Variants in IP6K3 observed in about 807,000 individuals in gnomAD.
IP6K3 encodes inositol hexakisphosphate kinase 3.
Under a neutral mutation model 28.8 loss-of-function variants are expected in IP6K3, and 20 were observed. The observed-to-expected ratio is 0.70, with a 90% CI of 0.49 to 1.01. The LOEUF is 1.01. Among genes scored for constraint, IP6K3 ranks in the 50% least tolerant of loss-of-function variants. The pLI is 0.00. For missense variants in IP6K3, 480 were observed against 537.1 expected (o/e 0.89, Z 1.05); for synonymous variants, 213 against 221.3 (o/e 0.96, Z 0.33).
At position 33,725,493 on chromosome 6, in the gene IP6K3, T is replaced by G; in HGVS notation, c.713A>C (p.Lys238Thr). ...SEEKKARHMR[K>T]CAQSTSACLG... ...GCAGGCTGAGGTGCTCTGCGCACAC[T>G]TCCTCATGTGGCGGGCCTTCTTCTC... Residue 238 changes from lysine to threonine, a missense_variant, in exon 5 of 6, where the codon AAG becomes ACG. By Grantham distance (78) the Lys-to-Thr change is moderately conservative. Transcript: ENST00000293756. The G allele has an allele frequency of 6.2e-7, 1 of 1,613,822 alleles. No homozygotes were observed. Among genetic ancestry groups the G allele is most frequent in the Non-Finnish European group, 8.5e-7 (1 of 1,180,024 alleles).
the IP6K3 span, among the ~76,000 whole-genome samples, chr6:33,754,902 A>G: frequency 6.6e-6 from 1 of 152,240 alleles, no homozygotes; most frequent in Non-Finnish European, 1.5e-5. Context: ...TCAATCCTCC[A>G]GTAACTTTGT....
chr6:33,761,711 C>G, the IP6K3 span, among the ~76,000 whole-genome samples: 5 of 152,108 alleles, frequency 3.3e-5, no homozygotes, highest in Admixed American at 6.5e-5. Context: ...TCCAGGGCAG[C>G]CTTGTCTCAG....
chr6:33,732,836 A>C (rs1451255318), intron 2 of IP6K3, among the ~76,000 whole-genome samples: 1 of 152,222 alleles, frequency 6.6e-6, no homozygotes. Context: ...ACACCACCCG[A>C]GAGCCCTTTC....
chr6:33,748,642 CAAAAAAAAAA>C (rs35735336), upstream of IP6K3, among the ~76,000 whole-genome samples: 25 of 38,378 alleles, frequency 6.5e-4, no homozygotes, highest in African/African-American at 1.1e-3. Flanking sequence ...ACCCTGTCTC[CAAAAAAAAAA>C]AAAAAAAAAA....
chr6:33,721,863 T>G lies in IP6K3; in HGVS notation c.*857A>C, dbSNP rs2127344142. On this transcript the variant is annotated 3_prime_UTR_variant, in exon 6 of 6. Coordinates refer to ENST00000293756, the MANE Select transcript of IP6K3 (RefSeq NM_054111.5). ...CCCTGGTTTCCTCCGTCCTCCAGGT[T>G]CTTCTGACTCCCCAACCCACCCCCA... The G allele has an allele frequency of 6.5e-6, 1 of 152,684 alleles. No homozygotes were observed. 9.5% of individuals were successfully genotyped at this position (152,684 alleles called of 1,614,324 possible).
At chr6:33,761,320 C>G in the IP6K3 span, among the ~76,000 whole-genome samples, 4 of 152,114 alleles carry the variant, frequency 2.6e-5, no homozygotes, top group Admixed American at 6.5e-5. Context: ...CCGTCCCCTT[C>G]TCTCCTGCCT....
intron 5 of IP6K3, among the ~76,000 whole-genome samples, 197 bp from the exon 6 acceptor site, chr6:33,723,384 T>C (rs1452353428): frequency 6.6e-6 from 1 of 152,200 alleles, no homozygotes; most frequent in Non-Finnish European, 1.5e-5. Flanking sequence ...ATGCTTTCTG[T>C]GCAAGTCTTT....
In IP6K3 at chr6:33,722,795, A is replaced by G. The variant is rs1489723847; in HGVS notation, c.1158T>C (p.Asp386=). ...CAAAAATATAGCCAGGGTCTGGTCC[A>G]TCGTAGGTGGTGTGCTCATTCCAGT... ...KGYWNEHTTY[D]GPDPGYIFGL... Residue 386 remains aspartate (D), a synonymous_variant, in exon 6 of 6, where the codon GAT becomes GAC. Coordinates refer to ENST00000293756, the MANE Select transcript of IP6K3 (RefSeq NM_054111.5). The G allele has an allele frequency of 9.3e-6, 15 of 1,614,016 alleles. No homozygotes were observed. Among genetic ancestry groups the G allele is most frequent in the African/African-American group, 1.3e-5 (1 of 74,910 alleles).
chr6:33,730,213 G>A (rs1398967470), intron 2 of IP6K3, among the ~76,000 whole-genome samples: 1 of 152,094 alleles, frequency 6.6e-6, no homozygotes, highest in Non-Finnish European at 1.5e-5. Context: ...CTCATCTCTC[G>A]GCTTGCATGC....
the IP6K3 span, among the ~76,000 whole-genome samples, chr6:33,760,838 T>C: frequency 2.0e-5 from 3 of 151,930 alleles, no homozygotes. Flanking sequence ...CTGCAGATGT[T>C]TTTAGAGCTG....
Position 33,735,471 on chromosome 6 carries a change from A to G in IP6K3, c.6T>C (p.Val2=). 1.2e-6 allele frequency: 2 copies of G among 1,608,874 alleles called. No homozygotes were observed. The highest frequency in any genetic ancestry group is 1.7e-6 in the Non-Finnish European group (2 of 1,179,824). M[V]VQNSADAGDM... Reference sequence around the variant, plus strand: ...CCCCGGCGTCTGCGCTGTTTTGCACAACCATGGCGGCAGATGGTGGTGGTG... The same window carrying G: ...CCCCGGCGTCTGCGCTGTTTTGCACGACCATGGCGGCAGATGGTGGTGGTG... The change falls in exon 2 of 6, where the codon GTT becomes GTC. Residue 2 remains valine (V), a synonymous_variant. Transcript: ENST00000293756.
the IP6K3 span, among the ~76,000 whole-genome samples, chr6:33,753,457 G>A: frequency 6.6e-6 from 1 of 152,104 alleles, no homozygotes; most frequent in South Asian, 2.1e-4. Context: ...GGGCATCCAA[G>A]CTGGGCCTTG....
At chr6:33,726,931 G>A (rs771247237) in intron 3 of IP6K3, 25 bp from the exon 4 acceptor site, 17 of 1,575,396 alleles carry the variant, frequency 1.1e-5, no homozygotes, top group Middle Eastern at 1.9e-4. Flanking sequence ...AGCACAGGAC[G>A]GTCAGAGCAG....
chr6:33,728,302 T>G lies in IP6K3; in HGVS notation c.200-2A>C. 6.2e-7 allele frequency: 1 copy of G among 1,613,976 alleles called. No individual in the cohort carries two copies. Among genetic ancestry groups the G allele is most frequent in the Non-Finnish European group, 8.5e-7 (1 of 1,179,920 alleles). On this transcript the variant is annotated splice_acceptor_variant, in intron 2 of 5. Coordinates refer to ENST00000293756, the MANE Select transcript of IP6K3 (RefSeq NM_054111.5). LOFTEE classifies it high-confidence loss of function. ...TCCAGAGGTGCACTGTGACGGTACCTGCAAACACACAGGGAAGGGGAGGGG... is the reference window on the plus strand; with the variant it reads ...TCCAGAGGTGCACTGTGACGGTACCGGCAAACACACAGGGAAGGGGAGGGG...
chr6:33,737,843 C>G lies in IP6K3; in HGVS notation c.-179-2188G>C, dbSNP rs562075180. On this transcript the variant is annotated intron_variant, in intron 1 of 5. Transcript: ENST00000293756. The stretch of plus-strand genomic sequence containing the variant: ...AGGGGGCTGGGCCTAAGACTCCAGC[C>G]TAGGCATTGATCCAGCTCTGCTCCA... Among the ~76,000 whole-genome samples the G allele has an allele frequency of 1.0e-3, 153 of 152,342 alleles. No individual in the cohort carries two copies. The South Asian group carries it at 0.013, about 13-fold the overall frequency.
intron 2 of IP6K3, among the ~76,000 whole-genome samples, chr6:33,730,516 C>T (rs1196041554): frequency 6.6e-6 from 1 of 152,204 alleles, no homozygotes; most frequent in Non-Finnish European, 1.5e-5. Flanking sequence ...TACCATTCAC[C>T]TGCCACTAGC....
Position 33,722,411 on chromosome 6 carries a change from C to T in IP6K3, c.*309G>A. On this transcript the variant is annotated 3_prime_UTR_variant, in exon 6 of 6. Transcript: ENST00000293756. The stretch of plus-strand genomic sequence containing the variant: ...TAAACATTTTTAGATGCAAATATTC[C>T]AGAATGTCAGCAATGCTGGCCTCTA... 1 of 220,872 alleles carries T rather than the reference C, an allele frequency of 4.5e-6. No homozygotes were observed. The highest frequency in any genetic ancestry group is 5.1e-5 in the Admixed American group (1 of 19,768). 13.7% of individuals were successfully genotyped at this position (220,872 alleles called of 1,614,324 possible).
At chr6:33,734,696 C>T (rs1478985785) in intron 2 of IP6K3, among the ~76,000 whole-genome samples, 2 of 152,216 alleles carry the variant, frequency 1.3e-5, no homozygotes, top group Non-Finnish European at 1.5e-5. Flanking sequence ...TTTCTTTCCC[C>T]AGAACCCACC....
chr6:33,739,332 C>G (rs973203879), intron 1 of IP6K3: 3 of 152,076 alleles, frequency 2.0e-5, no homozygotes, highest in African/African-American at 7.2e-5. Context: ...GGGGGTCAGC[C>G]TAGGATGTAG....
Sources: gnomAD v4.1 joint callset for allele counts (sites outside exome capture counted in the v4.1 genomes callset) on GRCh38, gnomAD v4.1.1 for gene constraint, MANE v1.5 for transcripts, NCBI Gene and HGNC (gene_info 2026-07-23, HGNC 2026-07-21) for gene names.